DLGAP1: variants seen among roughly 807,000 people sequenced by gnomAD.
DLGAP1 encodes disks large-associated protein 1.
DLGAP1 carries 11 observed loss-of-function variants against 90.8 expected under a neutral mutation model. The ratio of observed to expected loss-of-function variants is 0.12; its 90% CI spans 0.08 to 0.20. The LOEUF (loss-of-function observed/expected upper bound fraction) is 0.20. Among genes scored for constraint, DLGAP1 ranks in the 10% least tolerant of loss-of-function variants. The probability of loss-of-function intolerance (pLI) is 1.00; values close to 1 mark genes in which losing one functional copy is unlikely to be tolerated. For synonymous variants in DLGAP1, 558 were observed against 540.7 expected (o/e 1.03, Z -0.44); for missense variants, 1,050 against 1,333.8 (o/e 0.79, Z 3.31).
At chr18:4,369,882 C>T (rs1335037177) in intron 1 of DLGAP1, among the ~76,000 whole-genome samples, 2 of 141,480 alleles carry the variant, frequency 1.4e-5, no homozygotes, top group Non-Finnish European at 3.0e-5. Context: ...AAATAAAGCA[C>T]ATCAGGGCTA....
chr18:4,237,115 C>T (rs778047601), intron 1 of DLGAP1, among the ~76,000 whole-genome samples: 15 of 152,088 alleles, frequency 9.9e-5, no homozygotes, highest in Non-Finnish European at 1.5e-4. Context: ...AGAGGGAAGT[C>T]GGGAAATGAC....
At chr18:3,515,107 T>G (rs1422030892) in intron 10 of DLGAP1, among the ~76,000 whole-genome samples, 1 of 152,206 alleles carries the variant, frequency 6.6e-6, no homozygotes, top group Non-Finnish European at 1.5e-5. Context: ...TTTCCTTTCA[T>G]GAAAGGTTTC....
intron 6 of DLGAP1, among the ~76,000 whole-genome samples, chr18:3,740,988 C>CAT (rs2062895978): frequency 1.4e-5 from 2 of 140,938 alleles, no homozygotes; most frequent in South Asian, 2.4e-4. Context: ...ACCACCACCA[C>CAT]CACCATCACC....
chr18:3,822,063 A>G (rs1166260599), intron 4 of DLGAP1: 5 of 856,070 alleles, frequency 5.8e-6, no homozygotes, highest in Non-Finnish European at 7.0e-6. Context: ...GAAAATTACA[A>G]TTATGCAATG....
At chr18:3,844,103 G>A (rs1025874594) in intron 4 of DLGAP1, among the ~76,000 whole-genome samples, 23 of 152,120 alleles carry the variant, frequency 1.5e-4, no homozygotes, top group Admixed American at 3.9e-4. Context: ...CCCACAGCTC[G>A]TCTCCCGTGC....
At chr18:4,068,402 T>C (rs1452745481) in intron 2 of DLGAP1, among the ~76,000 whole-genome samples, 1 of 151,440 alleles carries the variant, frequency 6.6e-6, no homozygotes, top group Non-Finnish European at 1.5e-5. Context: ...TTATATATAA[T>C]GATATATACT....
intron 1 of DLGAP1, among the ~76,000 whole-genome samples, chr18:4,276,495 G>T (rs574873594): frequency 6.6e-6 from 1 of 152,056 alleles, no homozygotes; most frequent in Non-Finnish European, 1.5e-5. Context: ...AATTAGCCGG[G>T]TGTGGTGGCA....
chr18:4,379,602 G>A (rs1458941677), intron 1 of DLGAP1, among the ~76,000 whole-genome samples: 2 of 152,110 alleles, frequency 1.3e-5, no homozygotes, highest in African/African-American at 4.8e-5. Context: ...TTTAAGCTGA[G>A]ATGGGAGCAA....
At chr18:3,833,158 C>A (rs1284312549) in intron 4 of DLGAP1, among the ~76,000 whole-genome samples, 45 of 1,264 alleles carry the variant, frequency 0.036, 4 homozygotes, top group African/African-American at 0.075. Flanking sequence ...TCCTTCCTTC[C>A]TTCCTTCCTT....
intron 7 of DLGAP1, among the ~76,000 whole-genome samples, chr18:3,591,294 A>C (rs2056229839): frequency 6.6e-6 from 1 of 152,218 alleles, no homozygotes; most frequent in East Asian, 1.9e-4. Context: ...CTGGGGACAT[A>C]AATGTATTTC....
intron 2 of DLGAP1, among the ~76,000 whole-genome samples, chr18:4,048,766 G>C (rs1285586934): frequency 6.6e-6 from 1 of 152,202 alleles, no homozygotes; most frequent in Non-Finnish European, 1.5e-5. Flanking sequence ...GAAAAAGGCT[G>C]CTTTGGGATG....
At chr18:4,367,615 C>T (rs1338044770) in intron 1 of DLGAP1, among the ~76,000 whole-genome samples, 3 of 152,012 alleles carry the variant, frequency 2.0e-5, no homozygotes, top group South Asian at 2.1e-4. Context: ...TTGGGGAGGC[C>T]GAGGCGGTTG....
At chr18:3,794,169 C>T (rs2065874281) in intron 5 of DLGAP1, among the ~76,000 whole-genome samples, 1 of 152,200 alleles carries the variant, frequency 6.6e-6, no homozygotes, top group South Asian at 2.1e-4. Flanking sequence ...CTGGCTAGGT[C>T]CCAGTTGTCT....
chr18:3,618,876 T>C (rs1785371), intron 7 of DLGAP1, among the ~76,000 whole-genome samples: 89,919 of 147,434 alleles, frequency 0.61, 27,607 homozygotes, highest in East Asian at 0.78. Context: ...GAAGCGGAGC[T>C]GGCAGTGAGC....
chr18:4,021,897 C>A (rs139801177), intron 2 of DLGAP1, among the ~76,000 whole-genome samples: 4 of 152,180 alleles, frequency 2.6e-5, no homozygotes, highest in Non-Finnish European at 5.9e-5. Context: ...CTGTGCCCAG[C>A]CTCTCAGGTA....
chr18:4,361,919 A>G (rs78540212), intron 1 of DLGAP1, among the ~76,000 whole-genome samples: 3,331 of 152,322 alleles, frequency 0.022, 60 homozygotes, highest in African/African-American at 0.047. Flanking sequence ...AAAAGTATGC[A>G]AAGGACTTAG....
rs547788796 is a variant in DLGAP1, at chr18:3,879,947, GGGT to G, written c.119_121del (p.His40del). On this transcript the variant is annotated inframe_deletion, in exon 4 of 13. Coordinates refer to ENST00000315677, the MANE Select transcript of DLGAP1 (RefSeq NM_004746.4). This position sits in a 1 kb window ranked among gnomAD's most constrained non-coding sequence, Gnocchi z 6.6. The stretch of plus-strand genomic sequence containing the variant: ...CTGGGTGTAGTATGGGTGGTCTGCG[GGGT>G]GGTGCTCCACTGGGCTCAGCAGGTA... The G allele has an allele frequency of 6.2e-7, 1 of 1,612,924 alleles. No homozygotes were observed. Among genetic ancestry groups the G allele is most frequent in the Non-Finnish European group, 8.5e-7 (1 of 1,179,970 alleles).
intron 12 of DLGAP1, chr18:3,502,256 C>A: frequency 1.5e-6 from 2 of 1,344,422 alleles, no homozygotes; most frequent in South Asian, 4.6e-5. Flanking sequence ...ACAAAAAAAG[C>A]CACATTCCCA....
At chr18:4,344,001 A>C (rs771147290) in intron 1 of DLGAP1, among the ~76,000 whole-genome samples, 2 of 152,186 alleles carry the variant, frequency 1.3e-5, no homozygotes, top group Non-Finnish European at 2.9e-5. Flanking sequence ...GATGATGATG[A>C]ATTGTGGTTT....
Sources: gnomAD v4.1 joint callset for allele counts (sites outside exome capture counted in the v4.1 genomes callset) on GRCh38, gnomAD v4.1.1 for gene constraint, Gnocchi (gnomAD v3.1) non-coding constraint, MANE v1.5 for transcripts, NCBI Gene and HGNC (gene_info 2026-07-23, HGNC 2026-07-21) for gene names.